Variants in CSMD1 observed in about 807,000 individuals in gnomAD.
The protein encoded by CSMD1 is CUB and sushi domain-containing protein 1.
Under a neutral mutation model 417.5 loss-of-function variants are expected in CSMD1, and 213 were observed. That is an observed-to-expected ratio of 0.51 (90% CI 0.46 to 0.57). The LOEUF (loss-of-function observed/expected upper bound fraction) is 0.57. Among genes scored for constraint, CSMD1 ranks in the 20% least tolerant of loss-of-function variants. The pLI is 0.00. For synonymous variants in CSMD1, 2,862 were observed against 1,736.8 expected, an observed-to-expected ratio of 1.65 and a Z score of -16.11; for missense variants, 6,923 against 4,529.7, an observed-to-expected ratio of 1.53 and a Z score of -15.17.
chr8:3,312,867 T>G (rs1805457869), intron 23 of CSMD1, among the ~76,000 whole-genome samples: 1 of 152,214 alleles, frequency 6.6e-6, no homozygotes, highest in African/African-American at 2.4e-5. Context: ...TTATCCACAT[T>G]CGTTAGGATA....
chr8:3,555,402 A>G (rs1187552404), intron 10 of CSMD1, among the ~76,000 whole-genome samples: 1 of 152,184 alleles, frequency 6.6e-6, no homozygotes, highest in East Asian at 2.0e-4. Flanking sequence ...ATTTAGCCAA[A>G]TCATCCCACC....
intron 26 of CSMD1, among the ~76,000 whole-genome samples, chr8:3,270,349 C>G (rs945562990): frequency 2.8e-4 from 43 of 152,250 alleles, no homozygotes; most frequent in African/African-American, 9.9e-4. Context: ...AGCCACTGCA[C>G]CTGGCCTTTC....
chr8:4,488,907 T>C (rs1210654216), intron 2 of CSMD1, among the ~76,000 whole-genome samples: 1 of 152,208 alleles, frequency 6.6e-6, no homozygotes, highest in African/African-American at 2.4e-5. Context: ...CCTTCAGCAA[T>C]TACTAAACAT....
At chr8:3,315,098 A>G (rs1805650144) in intron 23 of CSMD1, among the ~76,000 whole-genome samples, 1 of 152,236 alleles carries the variant, frequency 6.6e-6, no homozygotes, top group South Asian at 2.1e-4. Context: ...ATTTTACCTA[A>G]GACATTTCAA....
intron 7 of CSMD1, among the ~76,000 whole-genome samples, chr8:3,660,900 C>A (rs558075239): frequency 2.6e-5 from 4 of 152,172 alleles, no homozygotes; most frequent in Non-Finnish European, 5.9e-5. Context: ...TTTGTATACA[C>A]AGCTGCTCCC....
In CSMD1 at chr8:4,717,907, G is replaced by C. The variant is rs188286028; in HGVS notation, c.86-80349C>G. Among the ~76,000 whole-genome samples, 307 of 152,280 alleles carry C rather than the reference G, an allele frequency of 2.0e-3. 1 individual carries two copies. Among genetic ancestry groups the C allele is most frequent in the African/African-American group, 7.1e-3 (295 of 41,546 alleles). ...TCTAAAAATAAATAGGATGACTAAAGTATTGATACAGAAGAAGTATAAAAC... is the reference window on the plus strand; with the variant it reads ...TCTAAAAATAAATAGGATGACTAAACTATTGATACAGAAGAAGTATAAAAC... On this transcript the variant is annotated intron_variant, in intron 1 of 69. Coordinates refer to ENST00000635120, the MANE Select transcript of CSMD1 (RefSeq NM_033225.6).
chr8:3,331,237 C>CAAAAAAAAAAAAAAAAAAA (rs112278319), intron 23 of CSMD1, among the ~76,000 whole-genome samples: 13 of 128,508 alleles, frequency 1.0e-4, no homozygotes, highest in African/African-American at 3.8e-4. Flanking sequence ...GACTCCGTCT[C>CAAAAAAAAAAAAAAAAAAA]AAAAAAAAAA....
intron 11 of CSMD1, among the ~76,000 whole-genome samples, chr8:3,486,934 A>G (rs1161575030): frequency 1.3e-5 from 2 of 152,164 alleles, no homozygotes; most frequent in African/African-American, 4.8e-5. Flanking sequence ...TCCAGTACTA[A>G]TGACGAAGGT....
intron 7 of CSMD1, among the ~76,000 whole-genome samples, chr8:3,634,161 T>G (rs1796920440): frequency 6.6e-6 from 1 of 152,174 alleles, no homozygotes; most frequent in Non-Finnish European, 1.5e-5. Flanking sequence ...TGGAATGTCC[T>G]AGCTTATGAG....
intron 41 of CSMD1, among the ~76,000 whole-genome samples, chr8:3,139,491 G>T (rs1363223663): frequency 6.6e-6 from 1 of 152,098 alleles, no homozygotes; most frequent in African/African-American, 2.4e-5. Context: ...TGCCTCCAGG[G>T]CTAGTGACAT....
intron 15 of CSMD1, among the ~76,000 whole-genome samples, chr8:3,402,470 C>A (rs1049090998): frequency 6.6e-6 from 1 of 152,048 alleles, no homozygotes; most frequent in African/African-American, 2.4e-5. Flanking sequence ...TTGAGGAATA[C>A]GAGCCTGTTA....
At chr8:3,260,768 C>T (rs1240725881) in intron 26 of CSMD1, among the ~76,000 whole-genome samples, 1 of 152,088 alleles carries the variant, frequency 6.6e-6, no homozygotes, top group Admixed American at 6.6e-5. Flanking sequence ...AACAGAAGCA[C>T]AATCCATAAA....
chr8:3,862,185 G>C (rs1156709668), intron 5 of CSMD1, among the ~76,000 whole-genome samples: 2 of 152,044 alleles, frequency 1.3e-5, no homozygotes, highest in African/African-American at 2.4e-5. Flanking sequence ...CATCATAGCA[G>C]GTTTTTCTAA....
intron 2 of CSMD1, among the ~76,000 whole-genome samples, chr8:4,421,789 A>G (rs1211733979): frequency 2.0e-5 from 3 of 151,976 alleles, no homozygotes; most frequent in African/African-American, 7.2e-5. Context: ...AAAAAACAAA[A>G]AAAACTAAAG....
intron 1 of CSMD1, among the ~76,000 whole-genome samples, chr8:4,903,312 C>T (rs1405803537): frequency 6.6e-6 from 1 of 152,120 alleles, no homozygotes; most frequent in Non-Finnish European, 1.5e-5. Flanking sequence ...TTAGCAATTG[C>T]TTTATGGATA....
intron 5 of CSMD1, among the ~76,000 whole-genome samples, chr8:3,866,072 A>C (rs1805081086): frequency 6.6e-6 from 1 of 152,224 alleles, no homozygotes; most frequent in African/African-American, 2.4e-5. Flanking sequence ...GTCTTTAAAA[A>C]TTCTATTCAT....
chr8:4,501,198 A>T (rs2130282906), intron 2 of CSMD1, among the ~76,000 whole-genome samples: 1 of 152,272 alleles, frequency 6.6e-6, no homozygotes, highest in East Asian at 1.9e-4. Flanking sequence ...ATATATACAC[A>T]TATATATTAA....
At chr8:4,062,249 A>C (rs553960987) in intron 3 of CSMD1, among the ~76,000 whole-genome samples, 1 of 152,230 alleles carries the variant, frequency 6.6e-6, no homozygotes, top group South Asian at 2.1e-4. Flanking sequence ...CCTCAGAGTC[A>C]TCATGTCATA....
chr8:3,308,645 G>C, intron 23 of CSMD1, 142 bp from the exon 24 acceptor site: 1 of 608,526 alleles, frequency 1.6e-6, no homozygotes, highest in Non-Finnish European at 2.8e-6. Flanking sequence ...AAGGGGAAAA[G>C]AAAGATGGGT....
Sources: gnomAD v4.1 joint callset for allele counts (sites outside exome capture counted in the v4.1 genomes callset) on GRCh38, gnomAD v4.1.1 for gene constraint, MANE v1.5 for transcripts, NCBI Gene and HGNC (gene_info 2026-07-23, HGNC 2026-07-21) for gene names.